PRDM5: variants seen among roughly 807,000 people sequenced by gnomAD.
PRDM5 encodes PR domain zinc finger protein 5.
PRDM5 carries 56 observed loss-of-function variants against 81.2 expected under a neutral mutation model. The observed-to-expected ratio is 0.69, with a 90% CI of 0.56 to 0.86. The LOEUF is 0.86. Ranked by LOEUF, PRDM5 falls within the 40% of genes least tolerant of loss-of-function variation. The pLI is 0.00. For synonymous variants in PRDM5, 267 were observed against 256.4 expected (o/e 1.04, Z -0.39); for missense variants, 697 against 770.1 (o/e 0.91, Z 1.12).
chr4:120,870,673 G>C (rs1761692155), intron 2 of PRDM5, among the ~76,000 whole-genome samples: 1 of 152,202 alleles, frequency 6.6e-6, no homozygotes, highest in African/African-American at 2.4e-5. Context: ...GCTGTAAAGA[G>C]TCAAGTGTGA....
At chr4:120,771,577 C>A (rs1022641752) in intron 13 of PRDM5, among the ~76,000 whole-genome samples, 3 of 151,998 alleles carry the variant, frequency 2.0e-5, no homozygotes, top group Non-Finnish European at 4.4e-5. Flanking sequence ...TTTAAGTATG[C>A]CAAACACCAT....
intron 14 of PRDM5, among the ~76,000 whole-genome samples, chr4:120,753,950 TGA>T (rs1744356490): frequency 6.6e-6 from 1 of 152,146 alleles, no homozygotes; most frequent in African/African-American, 2.4e-5. Context: ...TAAAAGCATG[TGA>T]AACAGATGCT....
intron 2 of PRDM5, among the ~76,000 whole-genome samples, chr4:120,876,040 T>C (rs1762302005): frequency 1.3e-5 from 2 of 152,212 alleles, no homozygotes; most frequent in South Asian, 2.1e-4. Flanking sequence ...ATTTTGATCA[T>C]GCACAATTTC....
intron 13 of PRDM5, among the ~76,000 whole-genome samples, chr4:120,758,010 G>A (rs73845486): frequency 6.6e-6 from 1 of 151,814 alleles, no homozygotes; most frequent in African/African-American, 2.4e-5. Flanking sequence ...TCATACTCCA[G>A]TACCTACATC....
chr4:120,748,966 C>T (rs1405936506), intron 14 of PRDM5, among the ~76,000 whole-genome samples: 2 of 152,084 alleles, frequency 1.3e-5, no homozygotes, highest in Non-Finnish European at 2.9e-5. Flanking sequence ...TAAGAAGTTC[C>T]ACTTTTATCA....
chr4:120,730,687 T>C (rs1212783692), intron 14 of PRDM5, among the ~76,000 whole-genome samples: 1 of 152,218 alleles, frequency 6.6e-6, no homozygotes, highest in Non-Finnish European at 1.5e-5. Context: ...TTTATATATA[T>C]ATTTCAGACA....
chr4:120,899,412 TG>T (rs1462161421), intron 2 of PRDM5, among the ~76,000 whole-genome samples: 6 of 152,202 alleles, frequency 3.9e-5, no homozygotes, highest in African/African-American at 1.4e-4. Context: ...TCTACTTTCC[TG>T]ACTCAATTCC....
intron 8 of PRDM5, among the ~76,000 whole-genome samples, chr4:120,810,059 T>C (rs1317422735): frequency 6.6e-6 from 1 of 152,156 alleles, no homozygotes; most frequent in East Asian, 1.9e-4. Flanking sequence ...TTATACATTT[T>C]AATGTAATAA....
Position 120,719,774 on chromosome 4 carries a change from C to A in PRDM5, c.1624-9361G>T, listed in dbSNP as rs149841193. 2.7e-4 allele frequency among the ~76,000 whole-genome samples: 41 copies of A among 152,264 alleles called. No homozygotes were observed. In the East Asian group the frequency reaches 6.9e-3, roughly 26 times the overall value. On this transcript the variant is annotated intron_variant, in intron 14 of 15. Transcript: ENST00000264808. ...ACTTGGGGATTCATTATCCTATTCT[C>A]TGCTTCTGTAGATTTCACATTTTTC...
intron 15 of PRDM5, among the ~76,000 whole-genome samples, chr4:120,705,720 T>A (rs1250103052): frequency 1.3e-5 from 2 of 152,158 alleles, no homozygotes; most frequent in Non-Finnish European, 2.9e-5. Flanking sequence ...GAATACTATA[T>A]TCATTTTACA....
At chr4:120,907,274 C>T (rs1301036410) in intron 2 of PRDM5, among the ~76,000 whole-genome samples, 200 bp downstream of exon 2, 1 of 147,492 alleles carries the variant, frequency 6.8e-6, no homozygotes, top group Non-Finnish European at 1.5e-5. Flanking sequence ...GCGGACGTTG[C>T]AGTGAGCCAA....
At chr4:120,777,481 G>C (rs1748347918) in intron 12 of PRDM5, among the ~76,000 whole-genome samples, 200 bp from the exon 13 acceptor site, 1 of 152,086 alleles carries the variant, frequency 6.6e-6, no homozygotes, top group South Asian at 2.1e-4. Context: ...TCATGCATTA[G>C]TGTTAATTTC....
intron 10 of PRDM5, 40 bp downstream of exon 10, chr4:120,798,227 C>A (rs1381167071): frequency 2.1e-5 from 30 of 1,414,980 alleles, no homozygotes; most frequent in Non-Finnish European, 2.8e-5. Flanking sequence ...ATCACAGCAG[C>A]AAATTCATAA....
rs200802763 is a variant in PRDM5, at chr4:120,763,927, T to TAA, written c.1538-9291_1538-9290dup. ...TCTCTCCCATAAAACTAGAGAAGATTAAAAAAAAAAAACAGCTAGAGAAGA... is the reference window on the plus strand; with the variant it reads ...TCTCTCCCATAAAACTAGAGAAGATTAAAAAAAAAAAAAACAGCTAGAGAAGA... On this transcript the variant is annotated intron_variant, in intron 13 of 15. Coordinates refer to ENST00000264808, the MANE Select transcript of PRDM5 (RefSeq NM_018699.4). Among the ~76,000 whole-genome samples the TAA allele has an allele frequency of 3.1e-3, 424 of 138,902 alleles. 2 individuals are homozygous for TAA. Among genetic ancestry groups the TAA allele is most frequent in the African/African-American group, 0.01 (395 of 37,700 alleles). The allele number at this position is 138,902 out of a possible 152,430, so 91.1% of individuals were successfully genotyped here.
At chr4:120,799,824 A>T (rs1751864267) in intron 8 of PRDM5, 79 bp from the exon 9 acceptor site, 1 of 1,558,458 alleles carries the variant, frequency 6.4e-7, no homozygotes, top group African/African-American at 1.4e-5. Flanking sequence ...AAGTGTAAAC[A>T]TGTGAACAGC....
At chr4:120,815,492 G>A (rs1355606828) in intron 7 of PRDM5, among the ~76,000 whole-genome samples, 3 of 152,292 alleles carry the variant, frequency 2.0e-5, no homozygotes, top group Admixed American at 1.3e-4. Flanking sequence ...AGTTGTTCAC[G>A]CTAGCCTCTA....
rs1734238359 is a variant in PRDM5 at position 120,693,680 on chromosome 4, G to C, written c.*1431C>G. 1 of 152,064 alleles carries C rather than the reference G, an allele frequency of 6.6e-6. No individual in the cohort carries two copies. The highest frequency in any genetic ancestry group is 6.6e-5 in the Admixed American group (1 of 15,248). The allele number at this position is 152,064 out of a possible 1,614,324, so 9.4% of individuals were successfully genotyped here. A position where few individuals can be genotyped will look rare whatever the true frequency, so the allele number is the denominator to read the frequency against. On this transcript the variant is annotated 3_prime_UTR_variant, in exon 16 of 16. Transcript: ENST00000264808. The stretch of plus-strand genomic sequence containing the variant: ...ATAATTCTAAAATGAGATTCCTGAA[G>C]TCAAAGAACTGTGTCTCAGATAACC...
chr4:120,807,748 C>A, intron 8 of PRDM5, among the ~76,000 whole-genome samples: 1 of 151,942 alleles, frequency 6.6e-6, no homozygotes, highest in Non-Finnish European at 1.5e-5. Context: ...TTTCTTCCTT[C>A]TGGTGGGTTC....
At chr4:120,918,433 TC>T (rs1293224913) in intron 1 of PRDM5, among the ~76,000 whole-genome samples, 2 of 152,198 alleles carry the variant, frequency 1.3e-5, no homozygotes, top group African/African-American at 4.8e-5. Flanking sequence ...TCTACACTGA[TC>T]AACACAACAC....
Sources: allele counts gnomAD v4.1 joint callset (sites outside exome capture counted in the v4.1 genomes callset), GRCh38; gene constraint gnomAD v4.1.1; transcripts MANE v1.5; gene names NCBI Gene and HGNC (gene_info 2026-07-23, HGNC 2026-07-21).